Variants in PRPF8 observed in about 807,000 individuals in gnomAD.
PRPF8 encodes the protein pre-mRNA-processing-splicing factor 8.
Under a neutral mutation model 285.9 loss-of-function variants are expected in PRPF8, and 64 were observed. The ratio of observed to expected loss-of-function variants is 0.22; its 90% CI spans 0.18 to 0.28. PRPF8 has a LOEUF of 0.28. Ranked by LOEUF, PRPF8 falls within the 10% of genes least tolerant of loss-of-function variation. The probability of loss-of-function intolerance (pLI) is 1.00; values close to 1 mark genes in which losing one functional copy is unlikely to be tolerated. For synonymous variants in PRPF8, 1,325 were observed against 1,118.2 expected, an observed-to-expected ratio of 1.18 and a Z score of -3.69; for missense variants, 1,426 against 3,026.7, an observed-to-expected ratio of 0.47 and a Z score of 12.41.
At position 1,681,857 on chromosome 17, in the gene PRPF8, A is replaced by G. The variant is rs1912949663; in HGVS notation, c.616T>C (p.Trp206Arg). ...DPEEDAPVLD[W>R]FYDHQPLRDS... is the part of the protein sequence containing the mutation. The stretch of plus-strand genomic sequence containing the variant: ...CTCAACGGCTGGTGGTCATAGAACC[A>G]GTCCAACACAGGGGCGTCCTCCTCA... Residue 206 changes from tryptophan to arginine, a missense_variant, in exon 5 of 43, where the codon TGG (tryptophan) becomes CGG (arginine). Coordinates refer to ENST00000304992, the MANE Select transcript of PRPF8 (RefSeq NM_006445.4). The G allele has an allele frequency of 6.2e-7, 1 of 1,613,826 alleles. No homozygotes were observed. The highest frequency in any genetic ancestry group is 8.5e-7 in the Non-Finnish European group (1 of 1,180,006).
Position 1,676,731 on chromosome 17 carries a change from A to T in PRPF8, c.2182-20T>A, listed in dbSNP as rs761508430. ...AGGGACCTAAAAGTCCAAAAAGCACAATCAAGCCAGGATCCAGCCAGGCAC... is the reference window on the plus strand; with the variant it reads ...AGGGACCTAAAAGTCCAAAAAGCACTATCAAGCCAGGATCCAGCCAGGCAC... On this transcript the variant is annotated intron_variant, in intron 15 of 42. Coordinates refer to ENST00000304992, the MANE Select transcript of PRPF8 (RefSeq NM_006445.4). This position sits in a 1 kb window ranked among gnomAD's most constrained non-coding sequence, Gnocchi z 6.3. The T allele has an allele frequency of 5.0e-6, 8 of 1,612,774 alleles. No individual in the cohort carries two copies. In the South Asian group the frequency reaches 7.7e-5, roughly 16 times the overall value.
intron 3 of PRPF8, 163 bp downstream of exon 3, chr17:1,683,370 T>G (rs926023986): frequency 1.3e-6 from 1 of 786,376 alleles, no homozygotes; most frequent in African/African-American, 1.7e-5. Context: ...GGAAACAGAC[T>G]GCAAAAGTGG....
intron 8 of PRPF8, among the ~76,000 whole-genome samples, chr17:1,680,287 G>A (rs1912836662): frequency 6.6e-6 from 1 of 152,208 alleles, no homozygotes; most frequent in Non-Finnish European, 1.5e-5. Flanking sequence ...GGGGAGAAAT[G>A]GCGAGTAACT....
At position 1,661,811 on chromosome 17, in the gene PRPF8, G is replaced by T. The variant is rs778578863; in HGVS notation, c.4023-21C>A. Reference sequence around the variant, plus strand: ...ACCACCTGTTTGGGTGTACAACCAAGATTACAGAAAAAATAAAGCCTAAAA... The same window carrying T: ...ACCACCTGTTTGGGTGTACAACCAATATTACAGAAAAAATAAAGCCTAAAA... On this transcript the variant is annotated intron_variant, in intron 25 of 42. Coordinates refer to ENST00000304992, the MANE Select transcript of PRPF8 (RefSeq NM_006445.4). This position sits in a 1 kb window ranked among gnomAD's most constrained non-coding sequence, Gnocchi z 7.3. 6.2e-7 allele frequency: 1 copy of T among 1,614,144 alleles called. No homozygotes were observed. Among genetic ancestry groups the T allele is most frequent in the South Asian group, 1.1e-5 (1 of 91,088 alleles).
Position 1,653,550 on chromosome 17 carries a change from G to A in PRPF8, c.6361C>T (p.Arg2121Trp), listed in dbSNP as rs867684763. The change falls in exon 39 of 43, where the codon CGG (arginine) becomes TGG (tryptophan). Residue 2121 changes from arginine (R) to tryptophan (W), a missense_variant. Around this residue, in one of 34 missense-constraint regions of PRPF8, gnomAD observed 160 missense variants for 373.7 expected, o/e 0.43. Coordinates refer to ENST00000304992, the MANE Select transcript of PRPF8 (RefSeq NM_006445.4). The surrounding 1 kb of genome is among the most constrained non-coding windows in gnomAD (Gnocchi z 4.9). ...TGAGTCCACTTACTCACTTGGGCCC[G>A]AAGGTCAGATATGCAGATGAACTTC... ...LKKFICISDL[R>W]AQIAGYLYGV... 2 of 1,614,078 alleles carry A rather than the reference G, an allele frequency of 1.2e-6. No individual in the cohort carries two copies. Among genetic ancestry groups the A allele is most frequent in the Non-Finnish European group, 8.5e-7 (1 of 1,180,042 alleles).
intron 24 of PRPF8, among the ~76,000 whole-genome samples, chr17:1,668,354 CTTTTTTTTTTTTT>C (rs970795981): frequency 1.9e-5 from 2 of 105,576 alleles, no homozygotes; most frequent in African/African-American, 3.4e-5. Flanking sequence ...GTCTAGCATT[CTTTTTTTTTTTTT>C]TTTTTTTTTT....
chr17:1,676,314 A>G lies in PRPF8; in HGVS notation c.2445T>C (p.His815=). 2 of 1,614,168 alleles carry G rather than the reference A, an allele frequency of 1.2e-6. No homozygotes were observed. The highest frequency in any genetic ancestry group is 1.7e-6 in the Non-Finnish European group (2 of 1,180,030). The change falls in exon 17 of 43, where the codon CAT becomes CAC. Residue 815 remains histidine (H), a synonymous_variant. Transcript: ENST00000304992. The surrounding 1 kb of genome is among the most constrained non-coding windows in gnomAD (Gnocchi z 6.3). ...GTGAAAACCTGCGGCTTTCCAACCA[A>G]TGCACTGTGGTGGTATATACTGCCA... is the stretch of plus-strand genomic sequence containing the variant. ...EAVAVYTTTV[H]WLESRRFSPI...
chr17:1,670,991 T>G (rs1464051288), intron 24 of PRPF8, among the ~76,000 whole-genome samples: 2 of 152,044 alleles, frequency 1.3e-5, no homozygotes, highest in East Asian at 3.8e-4. Context: ...CTTAAGACCC[T>G]TATATGATTC....
chr17:1,661,706 G>A lies in PRPF8; in HGVS notation c.4107C>T (p.Tyr1369=), dbSNP rs181211897. The part of the protein sequence containing the change: ...HEEDQLIPNL[Y]RYIQPWESEF... ...CGCTCTCCCATGGCTGTATGTAGCG[G>A]TACAAGTTGGGAATGAGCTGGTCTT... The change falls in exon 26 of 43, where the codon TAC becomes TAT. Residue 1369 remains tyrosine, a synonymous_variant. Transcript: ENST00000304992. This position sits in a 1 kb window ranked among gnomAD's most constrained non-coding sequence, Gnocchi z 7.3. The A allele has an allele frequency of 7.4e-5, 119 of 1,614,230 alleles. 1 individual carries two copies. The highest frequency in any genetic ancestry group is 2.8e-4 in the Admixed American group (17 of 60,026).
chr17:1,657,803 C>T (rs1911470572), intron 34 of PRPF8, among the ~76,000 whole-genome samples: 1 of 149,010 alleles, frequency 6.7e-6, no homozygotes, highest in Admixed American at 6.8e-5. Flanking sequence ...CCTGTCTCTA[C>T]TAAAAAATAC....
rs774363044 is a variant in PRPF8, at chr17:1,676,929, C to T, written c.2181+47G>A. On this transcript the variant is annotated intron_variant, in intron 15 of 42. Transcript: ENST00000304992. This position sits in a 1 kb window ranked among gnomAD's most constrained non-coding sequence, Gnocchi z 6.3. ...ATGATTCCCGAAGTGGTAATCCTAC[C>T]CTAAAGACGGATGTTTACGCCTCCA... is the stretch of plus-strand genomic sequence containing the variant. The T allele has an allele frequency of 2.5e-6, 4 of 1,604,574 alleles. No individual in the cohort carries two copies. The highest frequency in any genetic ancestry group is 4.5e-5 in the East Asian group (2 of 44,860).
At position 1,676,941 on chromosome 17, in the gene PRPF8, T is replaced by A; in HGVS notation, c.2181+35A>T. The stretch of plus-strand genomic sequence containing the variant: ...GTGGTAATCCTACCCTAAAGACGGA[T>A]GTTTACGCCTCCAAGGAAATAAAGA... On this transcript the variant is annotated intron_variant, in intron 15 of 42. Transcript: ENST00000304992. This position sits in a 1 kb window ranked among gnomAD's most constrained non-coding sequence, Gnocchi z 6.3. 6.2e-7 allele frequency: 1 copy of A among 1,609,884 alleles called. No individual in the cohort carries two copies. The highest frequency in any genetic ancestry group is 2.2e-5 in the East Asian group (1 of 44,870).
rs756317920 is a variant in PRPF8, at chr17:1,651,568, G to T, written c.6511-15C>A. ...GGTTCCATCTCCTATAGGTAAAGAG[G>T]AGTACAGAGCTGAATCCCATCCACA... On this transcript the variant is annotated splice_polypyrimidine_tract_variant and intron_variant, in intron 40 of 42. Coordinates refer to ENST00000304992, the MANE Select transcript of PRPF8 (RefSeq NM_006445.4). The surrounding 1 kb of genome is among the most constrained non-coding windows in gnomAD (Gnocchi z 5.1). The T allele has an allele frequency of 1.2e-6, 2 of 1,614,106 alleles. No individual in the cohort carries two copies. The highest frequency in any genetic ancestry group is 2.2e-5 in the South Asian group (2 of 91,092).
At chr17:1,656,906 G>C in intron 34 of PRPF8, 145 bp from the exon 35 acceptor site, 1 of 803,430 alleles carries the variant, frequency 1.2e-6, no homozygotes. Flanking sequence ...GGTACAAAGA[G>C]TATCAAATGG....
chr17:1,678,720 A>G, intron 12 of PRPF8, 42 bp downstream of exon 12: 1 of 1,614,112 alleles, frequency 6.2e-7, no homozygotes. Context: ...GGCTTCCTCC[A>G]GCGTCCTCAC....
At chr17:1,672,396 G>A (rs1329768553) in intron 24 of PRPF8, among the ~76,000 whole-genome samples, 3 of 152,054 alleles carry the variant, frequency 2.0e-5, no homozygotes, top group South Asian at 2.1e-4. Flanking sequence ...TCTCCTGCCT[G>A]AGCCTCCCAA....
intron 13 of PRPF8, 87 bp from the exon 14 acceptor site, chr17:1,677,781 T>C: frequency 6.5e-7 from 1 of 1,539,706 alleles, no homozygotes; most frequent in East Asian, 2.2e-5. Flanking sequence ...GGCATATATG[T>C]ATAATATACA....
At chr17:1,664,188 A>G (rs1911829848) in intron 24 of PRPF8, among the ~76,000 whole-genome samples, 1 of 151,974 alleles carries the variant, frequency 6.6e-6, no homozygotes, top group African/African-American at 2.4e-5. Context: ...GTACCACCAC[A>G]CCCAGCTAAT....
intron 37 of PRPF8, 137 bp from the exon 38 acceptor site, chr17:1,654,153 G>A: frequency 7.5e-7 from 1 of 1,341,730 alleles, no homozygotes; most frequent in Non-Finnish European, 1.1e-6. Context: ...TGCTTCTACA[G>A]GAAGTGTGAA....
Sources: allele counts gnomAD v4.1 joint callset (sites outside exome capture counted in the v4.1 genomes callset), GRCh38; gene constraint gnomAD v4.1.1; regional missense constraint gnomAD v4.1.1; non-coding constraint Gnocchi (gnomAD v3.1); transcripts MANE v1.5; gene names NCBI Gene and HGNC (gene_info 2026-07-23, HGNC 2026-07-21).